The following TIMM17A variants were observed in gnomAD, a reference collection of about 807,000 sequenced individuals.
TIMM17A encodes the protein mitochondrial import inner membrane translocase subunit Tim17-A.
In TIMM17A, 15 loss-of-function variants were observed where a neutral mutation model predicts 26.5. That is an observed-to-expected ratio of 0.57 (90% CI 0.38 to 0.87). TIMM17A has a LOEUF of 0.87. TIMM17A is among the 40% of genes least tolerant of loss of function. The pLI is 0.00. For missense variants in TIMM17A, 201 were observed against 210.0 expected (o/e 0.96, Z 0.27); for synonymous variants, 80 against 70.8 (o/e 1.13, Z -0.66).
chr1:201,963,922 TGAGATCAGATATAGG>T (rs542662151), intron 4 of TIMM17A, among the ~76,000 whole-genome samples, 178 bp downstream of exon 4: 6 of 151,996 alleles, frequency 3.9e-5, no homozygotes, highest in Non-Finnish European at 8.8e-5. Flanking sequence ...TCCAGGAGCT[TGAGATCAGATATAGG>T]GAGACCTGGT....
chr1:201,956,406 A>T (rs1682409985), intron 1 of TIMM17A, among the ~76,000 whole-genome samples: 1 of 152,196 alleles, frequency 6.6e-6, no homozygotes, highest in South Asian at 2.1e-4. Flanking sequence ...AATTTGTGAA[A>T]GTGCCCAGGA....
intron 3 of TIMM17A, chr1:201,962,781 A>G (rs577801300): frequency 6.6e-6 from 1 of 152,324 alleles, no homozygotes; most frequent in South Asian, 2.1e-4. Flanking sequence ...CTAGCTATTT[A>G]TATCATTCAT....
At chr1:201,957,814 T>TTC (rs1553300876) in intron 3 of TIMM17A, 3 of 442,866 alleles carry the variant, frequency 6.8e-6, no homozygotes, top group Non-Finnish European at 1.2e-5. Context: ...TTTTTTTTTT[T>TTC]CCTTCTCCAG....
chr1:201,961,850 C>G (rs1316940127), intron 3 of TIMM17A, among the ~76,000 whole-genome samples: 1 of 151,902 alleles, frequency 6.6e-6, no homozygotes, highest in Non-Finnish European at 1.5e-5. Flanking sequence ...CCTTCTTAAC[C>G]TGCTTGGGCT....
At chr1:201,963,988 G>A (rs186813931) in intron 4 of TIMM17A, among the ~76,000 whole-genome samples, 157 of 152,142 alleles carry the variant, frequency 1.0e-3, no homozygotes, top group African/African-American at 3.5e-3. Context: ...GTGTGTTGGT[G>A]CATGCCTATA....
chr1:201,961,294 T>G (rs573351216), intron 3 of TIMM17A, among the ~76,000 whole-genome samples: 43 of 151,706 alleles, frequency 2.8e-4, no homozygotes, highest in Non-Finnish European at 5.2e-4. Flanking sequence ...CTCGAACTCT[T>G]GAGCTCAGGC....
chr1:201,960,566 T>C (rs1216046606), intron 3 of TIMM17A, among the ~76,000 whole-genome samples: 5 of 152,178 alleles, frequency 3.3e-5, no homozygotes, highest in African/African-American at 9.7e-5. Context: ...ATTGGAATTA[T>C]CCATTTCAAA....
intron 4 of TIMM17A, 54 bp from the exon 5 acceptor site, chr1:201,965,379 T>TA: frequency 3.2e-6 from 4 of 1,244,148 alleles, no homozygotes; most frequent in East Asian, 2.3e-5. Context: ...TACTATCTCT[T>TA]ACAGTAAACT....
chr1:201,957,677 C>A, intron 3 of TIMM17A, 103 bp downstream of exon 3: 2 of 995,088 alleles, frequency 2.0e-6, no homozygotes, highest in South Asian at 1.5e-5. Flanking sequence ...TTAGTTTGGT[C>A]TAACGGTTTG....
chr1:201,957,054 C>G (rs996744596), intron 1 of TIMM17A, among the ~76,000 whole-genome samples: 2 of 151,512 alleles, frequency 1.3e-5, no homozygotes, highest in Admixed American at 1.3e-4. Context: ...TGCCCTGAAA[C>G]AATATAATCA....
intron 5 of TIMM17A, among the ~76,000 whole-genome samples, chr1:201,966,988 A>G (rs1205448045): frequency 2.1e-3 from 94 of 44,378 alleles, no homozygotes; most frequent in Middle Eastern, 0.01. Context: ...TATATTATAT[A>G]TGTTGTGTGT....
chr1:201,956,225 TTGAG>T (rs1682406644), intron 1 of TIMM17A, among the ~76,000 whole-genome samples: 1 of 152,218 alleles, frequency 6.6e-6, no homozygotes, highest in Non-Finnish European at 1.5e-5. Context: ...CCAGCGTTTA[TTGAG>T]TATGAATAAA....
intron 4 of TIMM17A, 66 bp downstream of exon 4, chr1:201,963,810 T>C (rs1203481841): frequency 6.7e-7 from 1 of 1,501,514 alleles, no homozygotes; most frequent in African/African-American, 1.4e-5. Context: ...CTGCCTCAAT[T>C]GAATGACATC....
intron 1 of TIMM17A, 66 bp downstream of exon 1, chr1:201,955,618 C>T (rs778983210): frequency 1.3e-5 from 21 of 1,607,744 alleles, no homozygotes; most frequent in Non-Finnish European, 1.8e-5. Context: ...TCTCCCTTGT[C>T]CAGGCTCCCA....
chr1:201,963,556 T>C, intron 3 of TIMM17A, 60 bp from the exon 4 acceptor site: 2 of 1,552,260 alleles, frequency 1.3e-6, no homozygotes, highest in East Asian at 2.3e-5. Context: ...GACTATAATA[T>C]TTTAAATGGA....
chr1:201,963,841 A>C, intron 4 of TIMM17A, 97 bp downstream of exon 4: 2 of 1,317,856 alleles, frequency 1.5e-6, no homozygotes, highest in South Asian at 3.6e-5. Flanking sequence ...AAAACTGATT[A>C]TTGACCAGGC....
chr1:201,967,884 C>T (rs1170592357), intron 5 of TIMM17A, among the ~76,000 whole-genome samples: 1 of 151,972 alleles, frequency 6.6e-6, no homozygotes, highest in Non-Finnish European at 1.5e-5. Flanking sequence ...ATAGAAGCAG[C>T]CTAAAAGAGG....
chr1:201,964,635 C>CTTTTTTTTTTTTTTTTTTTTTTTTTT (rs570309464), intron 4 of TIMM17A, among the ~76,000 whole-genome samples: 7 of 90,962 alleles, frequency 7.7e-5, no homozygotes, highest in African/African-American at 1.5e-4. Flanking sequence ...TATTTTATTT[C>CTTTTTTTTTTTTTTTTTTTTTTTTTT]TTTTTTTTTT....
At chr1:201,956,612 A>G (rs1044961814) in intron 1 of TIMM17A, among the ~76,000 whole-genome samples, 5 of 152,346 alleles carry the variant, frequency 3.3e-5, no homozygotes, top group South Asian at 2.1e-4. Context: ...TTGATGTACT[A>G]TAATGACACA....
Sources: gnomAD v4.1 joint callset for allele counts (sites outside exome capture counted in the v4.1 genomes callset) on GRCh38, gnomAD v4.1.1 for gene constraint, MANE v1.5 for transcripts, NCBI Gene and HGNC (gene_info 2026-07-23, HGNC 2026-07-21) for gene names.